The following SPRED2 variants were observed in gnomAD, a reference collection of about 807,000 sequenced individuals.
SPRED2 encodes the protein sprouty-related, EVH1 domain-containing protein 2.
SPRED2 carries 47 observed loss-of-function variants against 43.0 expected under a neutral mutation model. That is an observed-to-expected ratio of 1.09 (90% CI 0.87 to 1.40). The LOEUF (loss-of-function observed/expected upper bound fraction) is 1.40, where lower values mean the gene tolerates loss of function less well. Among genes scored for constraint, SPRED2 ranks in the 40% most tolerant of loss-of-function variants. SPRED2 has a pLI of 0.00. For synonymous variants in SPRED2, 225 were observed against 225.7 expected, an observed-to-expected ratio of 1.00 and a Z score of 0.03; for missense variants, 561 against 586.4, an observed-to-expected ratio of 0.96 and a Z score of 0.45.
chr2:65,349,675 C>T (rs1674453114), intron 1 of SPRED2, among the ~76,000 whole-genome samples: 1 of 152,202 alleles, frequency 6.6e-6, no homozygotes, highest in Non-Finnish European at 1.5e-5. Flanking sequence ...ATGTTAGTGC[C>T]ATAAACTTAT....
At chr2:65,354,122 T>C (rs566248548) in intron 1 of SPRED2, among the ~76,000 whole-genome samples, 1 of 152,172 alleles carries the variant, frequency 6.6e-6, no homozygotes, top group Non-Finnish European at 1.5e-5. Context: ...GAGGAAGTAG[T>C]TGGGAAAATA....
At chr2:65,358,994 AG>A (rs1445166006) in intron 1 of SPRED2, among the ~76,000 whole-genome samples, 18 of 152,226 alleles carry the variant, frequency 1.2e-4, no homozygotes, top group Admixed American at 6.5e-5. Context: ...GGGGATCCTC[AG>A]AATGTGGCAC....
chr2:65,323,313 T>C (rs904593648), intron 4 of SPRED2, among the ~76,000 whole-genome samples: 1 of 152,120 alleles, frequency 6.6e-6, no homozygotes, highest in Non-Finnish European at 1.5e-5. Flanking sequence ...AATTTTTCTA[T>C]GGTAACTATA....
intron 1 of SPRED2, among the ~76,000 whole-genome samples, chr2:65,425,417 A>T (rs77452107): frequency 0.02 from 3,081 of 152,342 alleles, 93 homozygotes; most frequent in African/African-American, 0.07. Flanking sequence ...ATATTCAACT[A>T]CCCTTTGAGA....
downstream of SPRED2, among the ~76,000 whole-genome samples, chr2:65,309,753 G>A (rs936007520): frequency 6.6e-6 from 1 of 152,114 alleles, no homozygotes; most frequent in Admixed American, 6.5e-5. Flanking sequence ...GCCCAGTTCC[G>A]GCCTAGCACA....
chr2:65,392,613 A>G (rs1384308182), intron 1 of SPRED2, among the ~76,000 whole-genome samples: 3 of 152,186 alleles, frequency 2.0e-5, no homozygotes, highest in Non-Finnish European at 4.4e-5. Context: ...TTAAAATGTG[A>G]GGTCAAGCTC....
At chr2:65,385,564 T>G (rs892218253) in intron 1 of SPRED2, among the ~76,000 whole-genome samples, 34 of 152,126 alleles carry the variant, frequency 2.2e-4, no homozygotes, top group African/African-American at 7.7e-4. Context: ...AGAGTCAGCA[T>G]GACCCTCTTT....
chr2:65,331,164 C>G (rs112899419), intron 4 of SPRED2, among the ~76,000 whole-genome samples: 1 of 152,018 alleles, frequency 6.6e-6, no homozygotes. Context: ...ACCTATAATC[C>G]CAGCACTTTG....
intron 1 of SPRED2, among the ~76,000 whole-genome samples, chr2:65,375,455 G>A (rs189757645): frequency 1.2e-3 from 185 of 152,232 alleles, no homozygotes; most frequent in African/African-American, 4.3e-3. Context: ...TAGTACTCAC[G>A]TAGTCCTCAT....
In SPRED2 at chr2:65,344,545, C is replaced by T. The variant is rs1162590454; in HGVS notation, c.204+174G>A. On this transcript the variant is annotated intron_variant, in intron 2 of 5. Transcript: ENST00000356388. ...TCAAAAGAGACTTTGCTGGAAAGGACAGTCACGTTTTACAATTTGGCACCA... is the reference window on the plus strand; with the variant it reads ...TCAAAAGAGACTTTGCTGGAAAGGATAGTCACGTTTTACAATTTGGCACCA... 5 of 792,718 alleles carry T rather than the reference C, an allele frequency of 6.3e-6. No individual in the cohort carries two copies. In the African/African-American group the frequency reaches 8.5e-5, roughly 14 times the overall value. 49.1% of individuals were successfully genotyped at this position (792,718 alleles called of 1,614,324 possible). A position where few individuals can be genotyped will look rare whatever the true frequency, so the allele number is the denominator to read the frequency against.
At chr2:65,308,374 A>G (rs925000763), downstream of SPRED2, 9 of 985,486 alleles carry the variant, frequency 9.1e-6, no homozygotes, top group Non-Finnish European at 1.1e-5. Flanking sequence ...GCACTTCTGC[A>G]GCCGTCCTTG....
chr2:65,318,210 C>G (rs1337149823), intron 4 of SPRED2, among the ~76,000 whole-genome samples: 1 of 152,166 alleles, frequency 6.6e-6, no homozygotes, highest in Non-Finnish European at 1.5e-5. Flanking sequence ...TCCTTCTTGC[C>G]TTCCGCCATG....
At chr2:65,354,160 A>G (rs1170376371) in intron 1 of SPRED2, among the ~76,000 whole-genome samples, 1 of 152,224 alleles carries the variant, frequency 6.6e-6, no homozygotes, top group South Asian at 2.1e-4. Context: ...ATCCTCTGAC[A>G]TCCCCCGAGC....
At chr2:65,397,543 T>C (rs1675784356) in intron 1 of SPRED2, among the ~76,000 whole-genome samples, 1 of 151,940 alleles carries the variant, frequency 6.6e-6, no homozygotes, top group African/African-American at 2.4e-5. Context: ...GGTCCAACCC[T>C]GCCCAGCTGT....
In SPRED2 at chr2:65,311,776, T is replaced by G. The variant is rs973230509; in HGVS notation, c.*1725A>C. The G allele has an allele frequency of 8.1e-6, 8 of 985,328 alleles. No individual in the cohort carries two copies. Among genetic ancestry groups the G allele is most frequent in the Non-Finnish European group, 9.6e-6 (8 of 829,952 alleles). 61.0% of individuals were successfully genotyped at this position (985,328 alleles called of 1,614,324 possible). On this transcript the variant is annotated 3_prime_UTR_variant, in exon 6 of 6. Transcript: ENST00000356388. The stretch of plus-strand genomic sequence containing the variant: ...TAAGCACACTGGGTATTTACACCGG[T>G]AATCTACTAAAGAAAATCGATGAGC...
intron 1 of SPRED2, among the ~76,000 whole-genome samples, chr2:65,404,171 A>G (rs931825290): frequency 9.2e-5 from 14 of 151,512 alleles, no homozygotes; most frequent in Admixed American, 5.9e-4. Flanking sequence ...ACGCCACTGC[A>G]CTCCAGCCTG....
chr2:65,315,799 C>T (rs1673215534), intron 5 of SPRED2, among the ~76,000 whole-genome samples: 1 of 152,202 alleles, frequency 6.6e-6, no homozygotes, highest in African/African-American at 2.4e-5. Context: ...GCTGGGACTA[C>T]AGGCGCCCGC....
chr2:65,385,024 G>A (rs1297900596), intron 1 of SPRED2, among the ~76,000 whole-genome samples: 1 of 149,200 alleles, frequency 6.7e-6, no homozygotes, highest in Non-Finnish European at 1.5e-5. Flanking sequence ...CCAGGCTGGA[G>A]TGCAGTGGCG....
Position 65,312,840 on chromosome 2 carries a change from G to C in SPRED2, c.*661C>G. On this transcript the variant is annotated 3_prime_UTR_variant, in exon 6 of 6. Transcript: ENST00000356388. ...AGTGAATCATTTCAACAGATTTTGG[G>C]GGGGCAGAAAATGATGATGGGCTAA... The C allele has an allele frequency of 1.0e-6, 1 of 985,832 alleles. No individual in the cohort carries two copies. The highest frequency in any genetic ancestry group is 1.2e-6 in the Non-Finnish European group (1 of 829,932). 61.1% of individuals were successfully genotyped at this position (985,832 alleles called of 1,614,324 possible).
Sources: gnomAD v4.1 joint callset for allele counts (sites outside exome capture counted in the v4.1 genomes callset) on GRCh38, gnomAD v4.1.1 for gene constraint, MANE v1.5 for transcripts, NCBI Gene and HGNC (gene_info 2026-07-23, HGNC 2026-07-21) for gene names.